NUMBL: variants seen among roughly 807,000 people sequenced by gnomAD.
NUMBL encodes the protein NUMB like endocytic adaptor protein.
A neutral mutation model predicts 48.9 loss-of-function variants in NUMBL; 20 were observed. That is an observed-to-expected ratio of 0.41 (90% CI 0.29 to 0.59). NUMBL has a LOEUF of 0.59. NUMBL is among the 20% of genes least tolerant of loss of function. The pLI is 0.31. For missense variants in NUMBL, 660 were observed against 846.2 expected, an observed-to-expected ratio of 0.78 and a Z score of 2.73; for synonymous variants, 340 against 348.7, an observed-to-expected ratio of 0.98 and a Z score of 0.28.
In NUMBL at chr19:40,673,185, C is replaced by T. The variant is rs989810531; in HGVS notation, c.1036+159G>A. On this transcript the variant is annotated intron_variant, in intron 8 of 9. Coordinates refer to ENST00000252891, the MANE Select transcript of NUMBL (RefSeq NM_004756.5). The surrounding 1 kb of genome is among the most constrained non-coding windows in gnomAD (Gnocchi z 5.9). ...TGCTATCTCTTTCCTCTCCCTTGCC[C>T]ACTGCTAATCGATCATGACATGTTC... Among the ~76,000 whole-genome samples the T allele has an allele frequency of 2.0e-5, 3 of 152,208 alleles. No homozygotes were observed. The highest frequency in any genetic ancestry group is 2.9e-5 in the Non-Finnish European group (2 of 68,036).
rs1168875126 is a variant in NUMBL, at chr19:40,673,001, C to T, written c.1036+343G>A. Among the ~76,000 whole-genome samples, 2 of 152,026 alleles carry T rather than the reference C, an allele frequency of 1.3e-5. No homozygotes were observed. The highest frequency in any genetic ancestry group is 4.8e-5 in the African/African-American group (2 of 41,380). ...CATGGCAAACTTCCTTATCCATGCC[C>T]GACTTCTTTGTCCATAGCCGACTTT... On this transcript the variant is annotated intron_variant, in intron 8 of 9. Transcript: ENST00000252891. The surrounding 1 kb of genome is among the most constrained non-coding windows in gnomAD (Gnocchi z 5.9).
chr19:40,673,331 G>A lies in NUMBL; in HGVS notation c.1036+13C>T. On this transcript the variant is annotated intron_variant, in intron 8 of 9. Coordinates refer to ENST00000252891, the MANE Select transcript of NUMBL (RefSeq NM_004756.5). This position sits in a 1 kb window ranked among gnomAD's most constrained non-coding sequence, Gnocchi z 5.9. ...TGATTCCAACGCCGTTTCCCACTGGGCCCAGGGCTCACCTGTGCCCTTCAC... is the reference window on the plus strand; with the variant it reads ...TGATTCCAACGCCGTTTCCCACTGGACCCAGGGCTCACCTGTGCCCTTCAC... 6.3e-7 allele frequency: 1 copy of A among 1,599,978 alleles called. No individual in the cohort carries two copies.
intron 9 of NUMBL, 96 bp from the exon 10 acceptor site, chr19:40,668,234 G>T: frequency 6.9e-7 from 1 of 1,458,920 alleles, no homozygotes; most frequent in South Asian, 1.4e-5. Context: ...TCAGAGCACG[G>T]ACTCTGGAGC....
intron 8 of NUMBL, among the ~76,000 whole-genome samples, chr19:40,672,617 T>C (rs1042611068): frequency 6.6e-6 from 1 of 152,222 alleles, no homozygotes; most frequent in Non-Finnish European, 1.5e-5. Flanking sequence ...GGTAAAAACA[T>C]AACACTCTTG....
chr19:40,677,684 GA>G (rs909783023), intron 6 of NUMBL, among the ~76,000 whole-genome samples: 40 of 152,230 alleles, frequency 2.6e-4, no homozygotes, highest in African/African-American at 8.4e-4. Context: ...GTTCTATGGT[GA>G]AAAAAAGTCA....
At chr19:40,677,066 G>A (rs1000007368) in intron 7 of NUMBL, among the ~76,000 whole-genome samples, 166 bp downstream of exon 7, 3 of 152,136 alleles carry the variant, frequency 2.0e-5, no homozygotes, top group African/African-American at 4.8e-5. Flanking sequence ...CGCCCATCTC[G>A]GCCTCTCAAA....
At position 40,682,990 on chromosome 19, in the gene NUMBL, G is replaced by GGA; in HGVS notation, c.250-23_250-22insTC. ...GGTACTTGGGTTGGAGGGAATGGGGGGGGGGACATGAAACAGCACAGTAAT... is the reference window on the plus strand; with the variant it reads ...GGTACTTGGGTTGGAGGGAATGGGGGGAGGGGGACATGAAACAGCACAGTAAT... On this transcript the variant is annotated intron_variant, in intron 3 of 9. Coordinates refer to ENST00000252891, the MANE Select transcript of NUMBL (RefSeq NM_004756.5). The surrounding 1 kb of genome is among the most constrained non-coding windows in gnomAD (Gnocchi z 4.0). 6.2e-7 allele frequency: 1 copy of GGA among 1,609,142 alleles called. No homozygotes were observed. Among genetic ancestry groups the GGA allele is most frequent in the Non-Finnish European group, 8.5e-7 (1 of 1,175,918 alleles).
At chr19:40,679,004 T>C (rs1599908700) in intron 6 of NUMBL, among the ~76,000 whole-genome samples, 1 of 151,850 alleles carries the variant, frequency 6.6e-6, no homozygotes, top group South Asian at 2.1e-4. Flanking sequence ...GGCAGGAGAA[T>C]CACTTGAAGG....
At chr19:40,686,821 C>A in intron 2 of NUMBL, 90 bp downstream of exon 2, 1 of 814,622 alleles carries the variant, frequency 1.2e-6, no homozygotes, top group Non-Finnish European at 2.0e-6. Flanking sequence ...TGTGATTAAG[C>A]CTGTGTGACC....
rs753109275 is a variant in NUMBL at position 40,682,989 on chromosome 19, G to GGC, written c.250-22_250-21insGC. ...AGGTACTTGGGTTGGAGGGAATGGG[G>GGC]GGGGGGACATGAAACAGCACAGTAA... is the stretch of plus-strand genomic sequence containing the variant. On this transcript the variant is annotated intron_variant, in intron 3 of 9. Transcript: ENST00000252891. This position sits in a 1 kb window ranked among gnomAD's most constrained non-coding sequence, Gnocchi z 4.0. The GGC allele has an allele frequency of 2.5e-6, 4 of 1,609,700 alleles. No individual in the cohort carries two copies. Among genetic ancestry groups the GGC allele is most frequent in the South Asian group, 1.1e-5 (1 of 90,986 alleles).
chr19:40,679,166 G>C (rs560049664), intron 6 of NUMBL, among the ~76,000 whole-genome samples: 1 of 150,542 alleles, frequency 6.6e-6, no homozygotes, highest in Admixed American at 6.6e-5. Flanking sequence ...AAGGTGACTG[G>C]ATCGCTTGAG....
intron 9 of NUMBL, among the ~76,000 whole-genome samples, chr19:40,668,992 G>T (rs2081831803): frequency 6.6e-6 from 1 of 152,286 alleles, no homozygotes; most frequent in South Asian, 2.1e-4. Flanking sequence ...ATGGCTCTAA[G>T]ATGATACATG....
intron 6 of NUMBL, among the ~76,000 whole-genome samples, chr19:40,680,361 G>A (rs1040776727): frequency 6.6e-6 from 1 of 152,102 alleles, no homozygotes. Context: ...GGTTGGCCAG[G>A]CTGGTCTCAA....
intron 2 of NUMBL, chr19:40,685,491 T>C (rs2081929750): frequency 6.5e-6 from 1 of 153,840 alleles, no homozygotes; most frequent in African/African-American, 2.4e-5. Context: ...GAGGGATGCA[T>C]CCAAAAGTGT....
Position 40,668,253 on chromosome 19 carries a change from C to T in NUMBL, c.1160-115G>A, listed in dbSNP as rs367949614. 49 of 1,445,278 alleles carry T rather than the reference C, an allele frequency of 3.4e-5. No individual in the cohort carries two copies. The African/African-American group carries it at 6.7e-4, about 20-fold the overall frequency. 89.5% of individuals were successfully genotyped at this position (1,445,278 alleles called of 1,614,324 possible). ...AGCACGGACTCTGGAGCCAGACCGC[C>T]TGCCTCTGAATCCCAGCTCTGCACC... On this transcript the variant is annotated intron_variant, in intron 9 of 9. Transcript: ENST00000252891.
Position 40,667,677 on chromosome 19 carries a change from G to T in NUMBL, c.1621C>A (p.Pro541Thr), listed in dbSNP as rs772672013. ...GGGGCACTGGGTATGGCAGGGGGCGGGAAGGCCCCAGCTTTCCCAAGCAGA... is the reference window on the plus strand; with the variant it reads ...GGGGCACTGGGTATGGCAGGGGGCGTGAAGGCCCCAGCTTTCCCAAGCAGA... ...ATLLGKAGAF[P>T]PPAIPSAPGS... Residue 541 changes from proline (P) to threonine (T), a missense_variant, in exon 10 of 10, where the codon CCG (proline) becomes ACG (threonine). Coordinates refer to ENST00000252891, the MANE Select transcript of NUMBL (RefSeq NM_004756.5). The surrounding 1 kb of genome is among the most constrained non-coding windows in gnomAD (Gnocchi z 6.1). 2.6e-4 allele frequency: 403 copies of T among 1,569,952 alleles called. No individual in the cohort carries two copies. Among genetic ancestry groups the T allele is most frequent in the Non-Finnish European group, 3.2e-4 (369 of 1,158,148 alleles).
At chr19:40,686,789 C>T (rs2081937159) in intron 2 of NUMBL, 122 bp downstream of exon 2, 2 of 676,254 alleles carry the variant, frequency 3.0e-6, no homozygotes, top group Non-Finnish European at 5.2e-6. Context: ...GAGGAAGATG[C>T]CTGAGGGTGT....
chr19:40,683,471 C>T (rs891204883), intron 3 of NUMBL, among the ~76,000 whole-genome samples: 1 of 152,304 alleles, frequency 6.6e-6, no homozygotes, highest in African/African-American at 2.4e-5. Flanking sequence ...TTACTGGCTG[C>T]CTTACTTTCC....
chr19:40,676,525 A>G (rs1175329591), intron 7 of NUMBL, among the ~76,000 whole-genome samples: 1 of 151,930 alleles, frequency 6.6e-6, no homozygotes, highest in Non-Finnish European at 1.5e-5. Flanking sequence ...TGAGGCCAAC[A>G]TGGTGAAACC....
Sources: gnomAD v4.1 joint callset for allele counts (sites outside exome capture counted in the v4.1 genomes callset) on GRCh38, gnomAD v4.1.1 for gene constraint, Gnocchi (gnomAD v3.1) non-coding constraint, MANE v1.5 for transcripts, NCBI Gene and HGNC (gene_info 2026-07-23, HGNC 2026-07-21) for gene names.